The following NRG1 variants were observed in gnomAD, a reference collection of about 807,000 sequenced individuals.
The protein encoded by NRG1 is pro-neuregulin-1, membrane-bound isoform.
In NRG1, 18 loss-of-function variants were observed where a neutral mutation model predicts 63.8. The observed-to-expected ratio is 0.28, with a 90% confidence interval of 0.19 to 0.42. The LOEUF (loss-of-function observed/expected upper bound fraction) is 0.42. Among genes scored for constraint, NRG1 ranks in the 10% least tolerant of loss-of-function variants. The pLI, the probability that NRG1 is intolerant of heterozygous loss-of-function variation, is 1.00. For missense variants in NRG1, 762 were observed against 814.7 expected (o/e 0.94, Z 0.79); for synonymous variants, 302 against 301.3 (o/e 1.00, Z -0.02).
At chr8:32,454,957 T>C (rs1209002607) in intron 1 of NRG1, among the ~76,000 whole-genome samples, 1 of 152,226 alleles carries the variant, frequency 6.6e-6, no homozygotes, top group Non-Finnish European at 1.5e-5. Context: ...TAAATACTTA[T>C]CCTTGTATTA....
intron 1 of NRG1, among the ~76,000 whole-genome samples, chr8:32,226,263 A>AT (rs1430692572): frequency 2.0e-5 from 3 of 152,194 alleles, no homozygotes; most frequent in African/African-American, 7.2e-5. Flanking sequence ...AGTTAAAGCT[A>AT]TTTTTTCCCT....
chr8:32,410,695 C>T (rs1043317807), intron 1 of NRG1, among the ~76,000 whole-genome samples: 1 of 152,108 alleles, frequency 6.6e-6, no homozygotes, highest in Non-Finnish European at 1.5e-5. Context: ...TTGTAATTAA[C>T]CTGTCCCTTC....
At chr8:32,362,880 G>A (rs762051762) in intron 1 of NRG1, among the ~76,000 whole-genome samples, 1 of 152,158 alleles carries the variant, frequency 6.6e-6, no homozygotes, top group Non-Finnish European at 1.5e-5. Context: ...ATACTCATGA[G>A]AACATTGGGA....
chr8:32,202,675 G>A (rs540619411), intron 1 of NRG1, among the ~76,000 whole-genome samples: 5 of 151,856 alleles, frequency 3.3e-5, no homozygotes, highest in East Asian at 2.0e-4. Flanking sequence ...GAGAGGGGAC[G>A]GAGTGGGAAG....
At chr8:32,412,431 T>TATATATAC (rs1815150600) in intron 1 of NRG1, among the ~76,000 whole-genome samples, 1 of 43,922 alleles carries the variant, frequency 2.3e-5, no homozygotes. Flanking sequence ...TACATATATA[T>TATATATAC]ATATATATAT....
intron 1 of NRG1, among the ~76,000 whole-genome samples, chr8:32,383,149 C>T (rs1810563879): frequency 6.6e-6 from 1 of 152,018 alleles, no homozygotes. Flanking sequence ...TTCCTTGAGC[C>T]CAGGATTGGA....
intron 1 of NRG1, among the ~76,000 whole-genome samples, chr8:31,674,741 T>A (rs1807505788): frequency 6.6e-6 from 1 of 152,212 alleles, no homozygotes; most frequent in Non-Finnish European, 1.5e-5. Flanking sequence ...AGTCAACAGT[T>A]ACCCTAAAGC....
chr8:32,041,218 T>C (rs1203121359), intron 1 of NRG1, among the ~76,000 whole-genome samples: 1 of 152,180 alleles, frequency 6.6e-6, no homozygotes, highest in Non-Finnish European at 1.5e-5. Context: ...CTCTCTTCAG[T>C]CTTTTTCTCT....
In NRG1 at chr8:32,530,581, A is replaced by G. The variant is rs1377432592; in HGVS notation, c.38-65247A>G. Among the ~76,000 whole-genome samples the G allele has an allele frequency of 3.9e-5, 6 of 152,216 alleles. 1 individual carries two copies. The highest frequency in any genetic ancestry group is 2.0e-4 in the Admixed American group (3 of 15,286). ...GATTTATATGCCTTTGAGTCTCTCA[A>G]GTAGAACTGATTTACCTTTCCATTC... On this transcript the variant is annotated intron_variant, in intron 1 of 10. Transcript: ENST00000519301.
chr8:32,490,334 A>G (rs551045712), intron 1 of NRG1, among the ~76,000 whole-genome samples: 1 of 151,492 alleles, frequency 6.6e-6, no homozygotes. Flanking sequence ...GCCACACAAC[A>G]GACATACTGA....
At chr8:31,901,335 C>T (rs1832060960) in intron 1 of NRG1, among the ~76,000 whole-genome samples, 1 of 152,242 alleles carries the variant, frequency 6.6e-6, no homozygotes, top group Non-Finnish European at 1.5e-5. Flanking sequence ...AGGAAAACTA[C>T]TTCTTAAGAC....
intron 3 of NRG1, among the ~76,000 whole-genome samples, chr8:32,613,227 A>T (rs1443814733): frequency 3.3e-5 from 5 of 152,002 alleles, no homozygotes; most frequent in Non-Finnish European, 7.4e-5. Context: ...TGCCCTCCTA[A>T]TCTGTGATTA....
intron 1 of NRG1, among the ~76,000 whole-genome samples, chr8:32,300,444 C>T (rs1855454837): frequency 1.3e-5 from 2 of 152,244 alleles, no homozygotes; most frequent in South Asian, 2.1e-4. Flanking sequence ...TAAAATACCA[C>T]CAGAATCTTA....
intron 1 of NRG1, among the ~76,000 whole-genome samples, chr8:32,221,494 T>C (rs1845811721): frequency 1.3e-5 from 2 of 152,128 alleles, no homozygotes; most frequent in Non-Finnish European, 2.9e-5. Context: ...AAATAAATAG[T>C]AAGATGGGGT....
At chr8:31,944,841 G>A (rs2129621455) in intron 1 of NRG1, among the ~76,000 whole-genome samples, 2 of 152,344 alleles carry the variant, frequency 1.3e-5, no homozygotes, top group Middle Eastern at 6.8e-3. Flanking sequence ...TAGGGAACCA[G>A]CTGTATGTAG....
rs1006332962 is a variant in NRG1 at position 31,874,970 on chromosome 8, G to T, written c.37+235539G>T. On this transcript the variant is annotated intron_variant, in intron 1 of 10. Coordinates refer to the NRG1 transcript ENST00000519301. ...TCAGTATCAAGCAAATAACAACCAA[G>T]AATCAACATGCATAAAAATGACAAG... is the stretch of plus-strand genomic sequence containing the variant. 3.9e-5 allele frequency among the ~76,000 whole-genome samples: 6 copies of T among 152,176 alleles called. No individual in the cohort carries two copies. In the East Asian group the frequency reaches 1.2e-3, roughly 29 times the overall value.
chr8:32,756,376 AAT>A (rs1476823446), intron 8 of NRG1, 25 bp from the exon 9 acceptor site: 2 of 1,600,062 alleles, frequency 1.2e-6, no homozygotes, highest in African/African-American at 1.4e-5. Context: ...ATCAAAAAAA[AAT>A]AAATGCTCCC....
chr8:32,511,367 GTATATATATA>G (rs202038797), intron 1 of NRG1, among the ~76,000 whole-genome samples: 11,901 of 122,060 alleles, frequency 0.098, 613 homozygotes, highest in Middle Eastern at 0.16. Context: ...ATATATATGT[GTATATATATA>G]TATATATATA....
At chr8:32,667,856 A>G (rs911010391) in intron 5 of NRG1, among the ~76,000 whole-genome samples, 1 of 152,100 alleles carries the variant, frequency 6.6e-6, no homozygotes, top group Non-Finnish European at 1.5e-5. Context: ...ATCTCATTAC[A>G]TTTTTCCATA....
Sources: gnomAD v4.1 joint callset for allele counts (sites outside exome capture counted in the v4.1 genomes callset) on GRCh38, gnomAD v4.1.1 for gene constraint, MANE v1.5 for transcripts, NCBI Gene and HGNC (gene_info 2026-07-23, HGNC 2026-07-21) for gene names.